CCDC144A: variants seen among roughly 807,000 people sequenced by gnomAD.
CCDC144A encodes coiled-coil domain-containing protein 144A.
In CCDC144A, 41 loss-of-function variants were observed where a neutral mutation model predicts 143.8. That is an observed-to-expected ratio of 0.29 (90% CI 0.22 to 0.37). The LOEUF (loss-of-function observed/expected upper bound fraction) is 0.37. Ranked by LOEUF, CCDC144A falls within the 10% of genes least tolerant of loss-of-function variation. The probability of loss-of-function intolerance (pLI) is 1.00; values close to 1 mark genes in which losing one functional copy is unlikely to be tolerated. For synonymous variants in CCDC144A, 242 were observed against 517.9 expected (o/e 0.47, Z 7.23); for missense variants, 637 against 1,488.8 (o/e 0.43, Z 9.41).
intron 1 of CCDC144A, among the ~76,000 whole-genome samples, chr17:16,692,561 A>G (rs1327120168): frequency 2.8e-5 from 4 of 145,406 alleles, no homozygotes; most frequent in Non-Finnish European, 4.5e-5. Context: ...AAATTATTTC[A>G]TTGCTTCACT....
At chr17:16,741,713 G>T (rs923974634) in intron 12 of CCDC144A, among the ~76,000 whole-genome samples, 30 of 152,048 alleles carry the variant, frequency 2.0e-4, no homozygotes, top group Non-Finnish European at 3.7e-4. Flanking sequence ...CTCCCAAGTA[G>T]CTGAGACCAC....
intron 2 of CCDC144A, among the ~76,000 whole-genome samples, chr17:16,704,231 G>A (rs1254595696): frequency 2.0e-5 from 3 of 152,130 alleles, no homozygotes; most frequent in African/African-American, 7.2e-5. Flanking sequence ...AAGGCAGGCG[G>A]ATCATGAGGT....
intron 12 of CCDC144A, chr17:16,746,087 G>C: frequency 6.2e-7 from 1 of 1,604,820 alleles, no homozygotes. Flanking sequence ...AGCCTTCCAC[G>C]GGCCTGGCTT....
chr17:16,756,011 G>T lies in CCDC144A; in HGVS notation c.3373-5414G>T, dbSNP rs537922899. On this transcript the variant is annotated intron_variant, in intron 12 of 16. Coordinates refer to ENST00000399273, the MANE Select transcript of CCDC144A (RefSeq NM_001382000.1). ...TATGCTATTTGATATGGATTCCCTT[G>T]TATGTGACTTGGTGTTTTTCTCTTG... is the stretch of plus-strand genomic sequence containing the variant. Among the ~76,000 whole-genome samples the T allele has an allele frequency of 1.9e-4, 29 of 152,300 alleles. No individual in the cohort carries two copies. In the South Asian group the frequency reaches 2.9e-3, roughly 15 times the overall value.
At chr17:16,677,179 T>C in the CCDC144A span, among the ~76,000 whole-genome samples, 1 of 152,072 alleles carries the variant, frequency 6.6e-6, no homozygotes, top group Non-Finnish European at 1.5e-5. Flanking sequence ...GTCCGTCCTC[T>C]CTTCCCTCCA....
upstream of CCDC144A, among the ~76,000 whole-genome samples, chr17:16,687,329 G>C (rs899786): frequency 6.6e-6 from 1 of 152,124 alleles, no homozygotes; most frequent in Non-Finnish European, 1.5e-5. Context: ...AATTTTCCTT[G>C]TCTGATGGTA....
At chr17:16,746,017 C>T in intron 12 of CCDC144A, 1 of 1,611,788 alleles carries the variant, frequency 6.2e-7, no homozygotes, top group Non-Finnish European at 8.5e-7. Flanking sequence ...TGAGATCTCT[C>T]CACATCCCTG....
chr17:16,720,346 T>C (rs1913019606), intron 7 of CCDC144A, 115 bp downstream of exon 7: 1 of 1,395,292 alleles, frequency 7.2e-7, no homozygotes, highest in African/African-American at 1.5e-5. Flanking sequence ...GAAAAAGTGA[T>C]GAAGAAACAG....
chr17:16,713,253 C>G (rs1912552885), intron 6 of CCDC144A, among the ~76,000 whole-genome samples: 1 of 151,440 alleles, frequency 6.6e-6, no homozygotes, highest in Admixed American at 6.6e-5. Flanking sequence ...AGGCAGTGGG[C>G]TGGATTTGCT....
At chr17:16,707,204 G>T (rs1330131088) in intron 3 of CCDC144A, 23 of 372,042 alleles carry the variant, frequency 6.2e-5, no homozygotes, top group East Asian at 3.8e-4. Context: ...TTGATGTTGG[G>T]TGGATGAATC....
chr17:16,752,341 T>C (rs570047802), intron 12 of CCDC144A, among the ~76,000 whole-genome samples: 87 of 152,062 alleles, frequency 5.7e-4, no homozygotes, highest in African/African-American at 2.1e-3. Context: ...TGTGGAAAAA[T>C]TGTTTTCCAC....
In CCDC144A at chr17:16,758,426, T is replaced by C. The variant is rs867084122; in HGVS notation, c.3373-2999T>C. Among the ~76,000 whole-genome samples the C allele has an allele frequency of 5.2e-4, 78 of 150,874 alleles. No homozygotes were observed. The South Asian group carries it at 0.013, about 25-fold the overall frequency. Reference sequence around the variant, plus strand: ...GTTGTGGTTTCTGCGGTATAACCCCTTGAGTGCATTTCTTGTCAACACAAA... The same window carrying C: ...GTTGTGGTTTCTGCGGTATAACCCCCTGAGTGCATTTCTTGTCAACACAAA... On this transcript the variant is annotated intron_variant, in intron 12 of 16. Coordinates refer to ENST00000399273, the MANE Select transcript of CCDC144A (RefSeq NM_001382000.1).
chr17:16,754,445 A>G (rs1369378340), intron 12 of CCDC144A, among the ~76,000 whole-genome samples: 2 of 151,834 alleles, frequency 1.3e-5, no homozygotes, highest in African/African-American at 4.8e-5. Context: ...ATAGGGATTG[A>G]TTTTTTTCCC....
At chr17:16,771,141 G>A (rs1390338783) in intron 15 of CCDC144A, among the ~76,000 whole-genome samples, 1 of 152,204 alleles carries the variant, frequency 6.6e-6, no homozygotes, top group Non-Finnish European at 1.5e-5. Flanking sequence ...TCTAGATAGG[G>A]ACACTGGCAA....
intron 4 of CCDC144A, among the ~76,000 whole-genome samples, chr17:16,708,454 A>G (rs1228601918): frequency 2.6e-5 from 4 of 152,186 alleles, no homozygotes; most frequent in East Asian, 1.9e-4. Flanking sequence ...TTGTAACACT[A>G]GAAATCGTCT....
intron 12 of CCDC144A, among the ~76,000 whole-genome samples, chr17:16,755,491 T>C (rs985110234): frequency 6.6e-6 from 1 of 152,218 alleles, no homozygotes; most frequent in African/African-American, 2.4e-5. Flanking sequence ...GCATTTCTTG[T>C]AGGATCAGTC....
intron 8 of CCDC144A, among the ~76,000 whole-genome samples, chr17:16,723,915 T>A (rs1445261506): frequency 1.2e-4 from 18 of 152,154 alleles, no homozygotes; most frequent in Non-Finnish European, 1.5e-5. Context: ...TTCTTCTCTT[T>A]TTTTAGTTTC....
At chr17:16,749,584 C>G (rs1914693434) in intron 12 of CCDC144A, among the ~76,000 whole-genome samples, 1 of 152,166 alleles carries the variant, frequency 6.6e-6, no homozygotes, top group Admixed American at 6.5e-5. Flanking sequence ...GTGGAGTATT[C>G]TGTAGATGTC....
At chr17:16,675,269 G>GAAAAA in the CCDC144A span, among the ~76,000 whole-genome samples, 1 of 90,060 alleles carries the variant, frequency 1.1e-5, no homozygotes, top group Non-Finnish European at 2.3e-5. Flanking sequence ...ACTCCATCTT[G>GAAAAA]AAAAAAAAAA....
Sources: gnomAD v4.1 joint callset for allele counts (sites outside exome capture counted in the v4.1 genomes callset) on GRCh38, gnomAD v4.1.1 for gene constraint, MANE v1.5 for transcripts, NCBI Gene and HGNC (gene_info 2026-07-23, HGNC 2026-07-21) for gene names.